Variants in GDA observed in about 807,000 individuals in gnomAD.
GDA encodes the protein cytoplasmic PSD-95 interactor.
Under a neutral mutation model 59.6 loss-of-function variants are expected in GDA, and 18 were observed. The ratio of observed to expected loss-of-function variants is 0.30; its 90% CI spans 0.21 to 0.45. The LOEUF is 0.45. Ranked by LOEUF, GDA falls within the 20% of genes least tolerant of loss-of-function variation. The pLI, the probability that GDA is intolerant of heterozygous loss-of-function variation, is 1.00. For missense variants in GDA, 427 were observed against 552.3 expected, an observed-to-expected ratio of 0.77 and a Z score of 2.27; for synonymous variants, 201 against 201.1, an observed-to-expected ratio of 1.00 and a Z score of 0.00.
chr9:72,133,962 C>A (rs1361993200), intron 1 of GDA, among the ~76,000 whole-genome samples: 1 of 152,202 alleles, frequency 6.6e-6, no homozygotes, highest in Non-Finnish European at 1.5e-5. Context: ...CTGGGTTACA[C>A]ATTGAACTCT....
chr9:72,212,784 G>A (rs1448653336), intron 4 of GDA, among the ~76,000 whole-genome samples: 4 of 152,104 alleles, frequency 2.6e-5, no homozygotes, highest in Non-Finnish European at 5.9e-5. Flanking sequence ...TGGTAGAGTA[G>A]GAGACAGGAG....
At chr9:72,155,751 T>C (rs2130784046) in intron 1 of GDA, among the ~76,000 whole-genome samples, 1 of 152,308 alleles carries the variant, frequency 6.6e-6, no homozygotes, top group South Asian at 2.1e-4. Flanking sequence ...TGTTGCAGTA[T>C]TTAGGTAAAA....
chr9:72,205,716 A>G (rs963168003), intron 3 of GDA, among the ~76,000 whole-genome samples: 4 of 152,232 alleles, frequency 2.6e-5, no homozygotes, highest in South Asian at 2.1e-4. Context: ...TTACAAAAGC[A>G]TATTACTAAT....
At chr9:72,238,810 G>A (rs1839298802) in intron 10 of GDA, among the ~76,000 whole-genome samples, 1 of 152,162 alleles carries the variant, frequency 6.6e-6, no homozygotes, top group Non-Finnish European at 1.5e-5. Flanking sequence ...CCTCCACACA[G>A]TTTCCACCCT....
At chr9:72,123,185 CT>C (rs530381322) in intron 1 of GDA, among the ~76,000 whole-genome samples, 47,248 of 125,680 alleles carry the variant, frequency 0.38, 8,455 homozygotes, top group Non-Finnish European at 0.47. Flanking sequence ...TTTTTCTTCC[CT>C]TTTTTTTTTT....
At chr9:72,119,320 C>T (rs1025832752) in intron 1 of GDA, among the ~76,000 whole-genome samples, 25 of 152,252 alleles carry the variant, frequency 1.6e-4, no homozygotes, top group African/African-American at 5.5e-4. Context: ...GCCTGGCCAA[C>T]ATGGCAAAAC....
At position 72,200,287 on chromosome 9, in the gene GDA, T is replaced by C. The variant is rs192114764; in HGVS notation, c.213-2284T>C. On this transcript the variant is annotated intron_variant, in intron 2 of 13. Coordinates refer to ENST00000358399, the MANE Select transcript of GDA (RefSeq NM_004293.5). The stretch of plus-strand genomic sequence containing the variant: ...CTGGGATTACAGGCGTGAGCCACCG[T>C]GCCCAGCCTCCTCTCCTTCTTTTCT... Among the ~76,000 whole-genome samples, 615 of 151,984 alleles carry C rather than the reference T, an allele frequency of 4.0e-3. 5 individuals are homozygous for C. The highest frequency in any genetic ancestry group is 8.4e-3 in the Admixed American group (128 of 15,264).
chr9:72,203,639 C>T (rs1220354281), intron 3 of GDA, among the ~76,000 whole-genome samples: 4 of 152,110 alleles, frequency 2.6e-5, no homozygotes, highest in Non-Finnish European at 5.9e-5. Flanking sequence ...TGGTGTTCAG[C>T]GCACTTGGTC....
At chr9:72,148,853 AAG>A (rs374953740), upstream of GDA, among the ~76,000 whole-genome samples, 34 of 152,200 alleles carry the variant, frequency 2.2e-4, no homozygotes, top group Admixed American at 1.0e-3. Context: ...AAGTAAATAA[AAG>A]AGATTCATTC....
At chr9:72,136,113 C>A (rs924373716) in intron 1 of GDA, among the ~76,000 whole-genome samples, 5 of 152,042 alleles carry the variant, frequency 3.3e-5, no homozygotes, top group Admixed American at 3.3e-4. Flanking sequence ...TATACCAAAT[C>A]TATAAAAGGC....
intron 1 of GDA, among the ~76,000 whole-genome samples, chr9:72,176,679 A>G (rs1031077223): frequency 6.6e-6 from 1 of 152,194 alleles, no homozygotes; most frequent in Non-Finnish European, 1.5e-5. Flanking sequence ...TTTTCTGTTC[A>G]TGAAATTGAA....
rs200626821 is a variant in GDA at position 72,160,058 on chromosome 9, C to T, written c.123+10376C>T. Among the ~76,000 whole-genome samples, 7 of 152,064 alleles carry T rather than the reference C, an allele frequency of 4.6e-5. No individual in the cohort carries two copies. In the East Asian group the frequency reaches 1.4e-3, roughly 29 times the overall value. ...CTCATGCCTATAATCCCAGCACTTT[C>T]GGAGGCCGAGGCGGGCGGATCATGA... On this transcript the variant is annotated intron_variant, in intron 1 of 13. Transcript: ENST00000358399.
At chr9:72,181,517 G>A (rs1831215955) in intron 1 of GDA, among the ~76,000 whole-genome samples, 2 of 152,174 alleles carry the variant, frequency 1.3e-5, no homozygotes, top group Non-Finnish European at 2.9e-5. Context: ...TAGAGACGGG[G>A]TTTCACCATC....
intron 1 of GDA, among the ~76,000 whole-genome samples, chr9:72,119,018 C>G (rs577705355): frequency 1.3e-5 from 2 of 151,936 alleles, no homozygotes; most frequent in South Asian, 2.1e-4. Context: ...AATTGATAAG[C>G]AAATGATTAA....
At position 72,250,151 on chromosome 9, in the gene GDA, C is replaced by T. The variant is rs757591693; in HGVS notation, c.*1809C>T. The T allele has an allele frequency of 1.4e-5, 14 of 984,834 alleles. No individual in the cohort carries two copies. Among genetic ancestry groups the T allele is most frequent in the East Asian group, 1.1e-4 (1 of 8,824 alleles). 61.0% of individuals were successfully genotyped at this position (984,834 alleles called of 1,614,324 possible). ...TCTCTACGGGGCTAGCAAAAATCTT[C>T]AGCTTTATCACTCAACCCCTGCCAA... On this transcript the variant is annotated 3_prime_UTR_variant, in exon 14 of 14. Coordinates refer to ENST00000358399, the MANE Select transcript of GDA (RefSeq NM_004293.5).
At chr9:72,233,476 A>G (rs1838594102) in intron 10 of GDA, among the ~76,000 whole-genome samples, 1 of 152,208 alleles carries the variant, frequency 6.6e-6, no homozygotes, top group African/African-American at 2.4e-5. Context: ...AAAAAATCAG[A>G]TTAAAAAGCA....
At chr9:72,187,266 G>A (rs1831974232) in intron 1 of GDA, among the ~76,000 whole-genome samples, 1 of 152,108 alleles carries the variant, frequency 6.6e-6, no homozygotes, top group East Asian at 1.9e-4. Context: ...TAAGAGGTGG[G>A]GCCTTTCAGA....
chr9:72,225,837 A>G (rs1587719813), intron 8 of GDA, 53 bp downstream of exon 8: 3 of 708,834 alleles, frequency 4.2e-6, no homozygotes, highest in Non-Finnish European at 4.9e-6. Context: ...ATTTATCTCA[A>G]TTTTAAAATC....
Position 72,225,729 on chromosome 9 carries a change from C to A in GDA, c.767C>A (p.Pro256His). 3 of 1,555,750 alleles carry A rather than the reference C, an allele frequency of 1.9e-6. No individual in the cohort carries two copies. The highest frequency in any genetic ancestry group is 2.6e-6 in the Non-Finnish European group (3 of 1,132,878). ...GTTGAAGCTGTGAAAAACTTATACC[C>A]CAGTTATAAAAACTACACATCTGTG... is the stretch of plus-strand genomic sequence containing the variant. ...DEVEAVKNLY[P>H]SYKNYTSVYD... Residue 256 changes from proline to histidine, a missense_variant, in exon 8 of 14, where the codon CCC (proline) becomes CAC (histidine). By Grantham distance (77) the Pro-to-His change is moderately conservative. Coordinates refer to ENST00000358399, the MANE Select transcript of GDA (RefSeq NM_004293.5).
Sources: allele counts gnomAD v4.1 joint callset (sites outside exome capture counted in the v4.1 genomes callset), GRCh38; gene constraint gnomAD v4.1.1; transcripts MANE v1.5; gene names NCBI Gene and HGNC (gene_info 2026-07-23, HGNC 2026-07-21).